Variants in LAMC2 observed in about 807,000 individuals in gnomAD.
LAMC2 encodes laminin subunit gamma 2, also known as laminin subunit gamma-2.
A neutral mutation model predicts 140.2 loss-of-function variants in LAMC2; 97 were observed. The ratio of observed to expected loss-of-function variants is 0.69; its 90% CI spans 0.59 to 0.82. The LOEUF is 0.82. Ranked by LOEUF, LAMC2 falls within the 40% of genes least tolerant of loss-of-function variation. The pLI is 0.00. For missense variants in LAMC2, 1,402 were observed against 1,476.1 expected (o/e 0.95, Z 0.82); for synonymous variants, 513 against 540.2 (o/e 0.95, Z 0.70).
At position 183,186,292 on chromosome 1, in the gene LAMC2, A is replaced by G. The variant is rs1288071927; in HGVS notation, c.-61A>G. On this transcript the variant is annotated 5_prime_UTR_variant, in exon 1 of 23. Coordinates refer to ENST00000264144, the MANE Select transcript of LAMC2 (RefSeq NM_005562.3). ...GCGGAGCGCAGAGTGAGAACCACCA[A>G]CCGAGGCGCCGGGCAGCGACCCCTG... 7.8e-6 allele frequency: 12 copies of G among 1,541,214 alleles called. No homozygotes were observed. The highest frequency in any genetic ancestry group is 2.4e-5 in the South Asian group (2 of 84,638).
intron 1 of LAMC2, among the ~76,000 whole-genome samples, chr1:183,186,917 C>A (rs1488567393): frequency 6.6e-6 from 1 of 152,168 alleles, no homozygotes; most frequent in Non-Finnish European, 1.5e-5. Flanking sequence ...ATACCCTTAA[C>A]TTTTGCATCA....
At chr1:183,188,314 G>C (rs522372) in intron 1 of LAMC2, among the ~76,000 whole-genome samples, 86,751 of 152,082 alleles carry the variant, frequency 0.57, 25,495 homozygotes, top group East Asian at 0.73. Context: ...AAGTTGGACT[G>C]AAAATATGGT....
intron 1 of LAMC2, among the ~76,000 whole-genome samples, chr1:183,206,997 C>A (rs1392533044): frequency 2.0e-5 from 3 of 152,200 alleles, no homozygotes; most frequent in African/African-American, 7.2e-5. Flanking sequence ...ATTTGATATT[C>A]TTTTCCCAGA....
rs116249967 is a variant in LAMC2, at chr1:183,203,906, G to A, written c.80-3975G>A. Among the ~76,000 whole-genome samples, 708 of 152,296 alleles carry A rather than the reference G, an allele frequency of 4.6e-3. 3 individuals carry two copies. The highest frequency in any genetic ancestry group is 0.016 in the African/African-American group (646 of 41,556). ...AAGGGGTATGTTTGCAATAGGCTTA[G>A]AATCTGTTGGGCAGGCTCTGGAGGG... On this transcript the variant is annotated intron_variant, in intron 1 of 22. Coordinates refer to ENST00000264144, the MANE Select transcript of LAMC2 (RefSeq NM_005562.3).
At chr1:183,242,109 C>A (rs188873947) in intron 22 of LAMC2, among the ~76,000 whole-genome samples, 209 of 152,274 alleles carry the variant, frequency 1.4e-3, no homozygotes, top group South Asian at 7.5e-3. Flanking sequence ...GAGGCAGGAT[C>A]CAAACTGATA....
At chr1:183,206,171 G>T (rs1344395288) in intron 1 of LAMC2, among the ~76,000 whole-genome samples, 1 of 152,172 alleles carries the variant, frequency 6.6e-6, no homozygotes, top group East Asian at 1.9e-4. Context: ...ATTAAATGGG[G>T]ATAATAAAAC....
intron 13 of LAMC2, 93 bp downstream of exon 13, chr1:183,232,436 G>T: frequency 7.1e-7 from 1 of 1,415,566 alleles, no homozygotes; most frequent in Non-Finnish European, 9.8e-7. Flanking sequence ...ATGGATATCA[G>T]TTCAGCAGTT....
At position 183,186,505 on chromosome 1, in the gene LAMC2, T is replaced by C. The variant is rs1326373310; in HGVS notation, c.79+74T>C. ...GCCTTTCTCTGCAGACCGTGATGGCTGAACGTACCTCCGAGGATTCCCACT... is the reference window on the plus strand; with the variant it reads ...GCCTTTCTCTGCAGACCGTGATGGCCGAACGTACCTCCGAGGATTCCCACT... On this transcript the variant is annotated intron_variant, in intron 1 of 22. Transcript: ENST00000264144. 1.3e-5 allele frequency: 20 copies of C among 1,504,604 alleles called. No individual in the cohort carries two copies. The East Asian group carries it at 4.3e-4, about 33-fold the overall frequency. The allele number at this position is 1,504,604 out of a possible 1,614,324, so 93.2% of individuals were successfully genotyped here.
intron 16 of LAMC2, 79 bp downstream of exon 16, chr1:183,235,809 C>A: frequency 6.9e-7 from 1 of 1,439,314 alleles, no homozygotes; most frequent in Non-Finnish European, 9.7e-7. Flanking sequence ...ACTTGAGGGG[C>A]ACCATGCTAG....
At position 183,215,944 on chromosome 1, in the gene LAMC2, C is replaced by A. The variant is rs139282212; in HGVS notation, c.404+356C>A. ...GGGAGGCAACAAGTCCTTCAAGTAA[C>A]CTGGGACCCATTTTGGCCCCAGTGA... On this transcript the variant is annotated intron_variant, in intron 3 of 22. Coordinates refer to ENST00000264144, the MANE Select transcript of LAMC2 (RefSeq NM_005562.3). Among the ~76,000 whole-genome samples, 898 of 152,318 alleles carry A rather than the reference C, an allele frequency of 5.9e-3. 3 individuals are homozygous for A. The highest frequency in any genetic ancestry group is 9.7e-3 in the Non-Finnish European group (663 of 68,028).
At chr1:183,224,673 TACAC>T (rs3064952) in intron 7 of LAMC2, among the ~76,000 whole-genome samples, 1,998 of 147,662 alleles carry the variant, frequency 0.014, 24 homozygotes, top group African/African-American at 0.036. Context: ...GTTCTAATGA[TACAC>T]ACACACACAC....
chr1:183,194,673 C>T (rs975228679), intron 1 of LAMC2, among the ~76,000 whole-genome samples: 1 of 152,088 alleles, frequency 6.6e-6, no homozygotes, highest in African/African-American at 2.4e-5. Flanking sequence ...CCTTTTGGTC[C>T]TCTTTGCTTC....
At chr1:183,235,782 G>T in intron 16 of LAMC2, 52 bp downstream of exon 16, 1 of 1,599,494 alleles carries the variant, frequency 6.3e-7, no homozygotes, top group East Asian at 2.2e-5. Context: ...ATACTCCCAG[G>T]GCAAAATGCT....
At chr1:183,239,918 T>G in intron 20 of LAMC2, 122 bp from the exon 21 acceptor site, 1 of 1,061,900 alleles carries the variant, frequency 9.4e-7, no homozygotes, top group East Asian at 2.4e-5. Context: ...TCTCTCATTA[T>G]TCATCTAATT....
At chr1:183,189,260 G>GT (rs1415481916) in intron 1 of LAMC2, among the ~76,000 whole-genome samples, 1 of 152,154 alleles carries the variant, frequency 6.6e-6, no homozygotes, top group African/African-American at 2.4e-5. Context: ...TTTGTACATG[G>GT]TTAGACAGTG....
chr1:183,232,038 T>C lies in LAMC2; in HGVS notation c.1858-149T>C, dbSNP rs535810585. The C allele has an allele frequency of 6.6e-5, 58 of 884,078 alleles. 1 individual carries two copies. The South Asian group carries it at 6.7e-4, about 10-fold the overall frequency. The allele number at this position is 884,078 out of a possible 1,614,324, so 54.8% of individuals were successfully genotyped here. On this transcript the variant is annotated intron_variant, in intron 12 of 22. Transcript: ENST00000264144. ...GAGGCCAGGATTCAAACTCAAGGACTCTCTAGGCTCCAGGGTCTAAAATTT... is the reference window on the plus strand; with the variant it reads ...GAGGCCAGGATTCAAACTCAAGGACCCTCTAGGCTCCAGGGTCTAAAATTT...
In LAMC2 at chr1:183,186,327, C is replaced by T; in HGVS notation, c.-26C>T. 1 of 1,578,640 alleles carries T rather than the reference C, an allele frequency of 6.3e-7. No individual in the cohort carries two copies. Reference sequence around the variant, plus strand: ...CGGGCAGCGACCCCTGCAGCGGAGACAGAGACTGAGCGGCCCGGCCCCGCC... The same window carrying T: ...CGGGCAGCGACCCCTGCAGCGGAGATAGAGACTGAGCGGCCCGGCCCCGCC... On this transcript the variant is annotated 5_prime_UTR_variant, in exon 1 of 23. Transcript: ENST00000264144.
chr1:183,190,046 T>C (rs1237382677), intron 1 of LAMC2, among the ~76,000 whole-genome samples: 1 of 152,194 alleles, frequency 6.6e-6, no homozygotes, highest in Non-Finnish European at 1.5e-5. Context: ...TACACAAAAG[T>C]GCAGGCTCTG....
chr1:183,197,931 C>G (rs1046262528), intron 1 of LAMC2, among the ~76,000 whole-genome samples: 7 of 151,826 alleles, frequency 4.6e-5, no homozygotes, highest in South Asian at 2.1e-4. Context: ...GCCAGCAAAG[C>G]CTTGAATAGG....
Sources: gnomAD v4.1 joint callset for allele counts (sites outside exome capture counted in the v4.1 genomes callset) on GRCh38, gnomAD v4.1.1 for gene constraint, MANE v1.5 for transcripts, NCBI Gene and HGNC (gene_info 2026-07-23, HGNC 2026-07-21) for gene names.